The following INPP4B variants were observed in gnomAD, a reference collection of about 807,000 sequenced individuals.
INPP4B encodes inositol polyphosphate 4-phosphatase type II.
Under a neutral mutation model 122.5 loss-of-function variants are expected in INPP4B, and 55 were observed. The ratio of observed to expected loss-of-function variants is 0.45; its 90% CI spans 0.36 to 0.56. INPP4B has a LOEUF of 0.56. INPP4B is among the 20% of genes least tolerant of loss of function. The pLI is 0.00. For synonymous variants in INPP4B, 403 were observed against 388.7 expected (o/e 1.04, Z -0.43); for missense variants, 1,000 against 1,097.7 (o/e 0.91, Z 1.26).
intron 12 of INPP4B, among the ~76,000 whole-genome samples, chr4:142,226,044 A>G (rs1249498572): frequency 6.6e-6 from 1 of 152,234 alleles, no homozygotes; most frequent in Non-Finnish European, 1.5e-5. Context: ...GGCTGAGCAC[A>G]GCAAACCTTT....
chr4:142,716,603 T>C (rs1763804355), intron 2 of INPP4B, among the ~76,000 whole-genome samples: 1 of 152,234 alleles, frequency 6.6e-6, no homozygotes, highest in Admixed American at 6.5e-5. Context: ...TGAATAATTC[T>C]GCTCAGGGCA....
intron 7 of INPP4B, among the ~76,000 whole-genome samples, chr4:142,401,129 G>C (rs1801451840): frequency 6.6e-6 from 1 of 151,864 alleles, no homozygotes; most frequent in African/African-American, 2.4e-5. Context: ...TTTTCCTTTT[G>C]TCCTGATCAT....
chr4:142,176,847 C>T (rs962611549), intron 15 of INPP4B, among the ~76,000 whole-genome samples: 3 of 152,144 alleles, frequency 2.0e-5, no homozygotes, highest in South Asian at 2.1e-4. Context: ...CTTGATCATG[C>T]TACACAAGGA....
chr4:142,354,197 G>A (rs1202524615), intron 7 of INPP4B, among the ~76,000 whole-genome samples: 3 of 151,906 alleles, frequency 2.0e-5, no homozygotes, highest in East Asian at 1.9e-4. Context: ...AGCATATTGG[G>A]TATCTTGTGC....
intron 3 of INPP4B, among the ~76,000 whole-genome samples, chr4:142,436,269 C>A (rs1396589359): frequency 6.6e-6 from 1 of 152,178 alleles, no homozygotes; most frequent in Admixed American, 6.5e-5. Flanking sequence ...TGGGCCTGAG[C>A]CCCTAGAGAA....
chr4:142,464,535 A>C (rs1308148534), intron 2 of INPP4B, among the ~76,000 whole-genome samples: 1 of 152,098 alleles, frequency 6.6e-6, no homozygotes, highest in Non-Finnish European at 1.5e-5. Context: ...ATTTGGGGAA[A>C]AAAAATTCCA....
intron 7 of INPP4B, among the ~76,000 whole-genome samples, chr4:142,386,650 G>A (rs1408826763): frequency 2.0e-5 from 3 of 152,182 alleles, no homozygotes; most frequent in South Asian, 2.1e-4. Flanking sequence ...AGCTGTTTCC[G>A]TACCTCACTT....
At chr4:142,320,730 A>G in intron 7 of INPP4B, among the ~76,000 whole-genome samples, 1 of 152,140 alleles carries the variant, frequency 6.6e-6, no homozygotes, top group East Asian at 1.9e-4. Flanking sequence ...CCCATTTATA[A>G]GTGAGAAATA....
At chr4:142,120,229 TG>T (rs1435077506) in intron 21 of INPP4B, among the ~76,000 whole-genome samples, 1 of 152,096 alleles carries the variant, frequency 6.6e-6, no homozygotes, top group Non-Finnish European at 1.5e-5. Context: ...AATACTACAT[TG>T]TCTTGATTAT....
At chr4:142,674,901 A>G (rs1757507372) in intron 2 of INPP4B, among the ~76,000 whole-genome samples, 1 of 152,218 alleles carries the variant, frequency 6.6e-6, no homozygotes, top group Non-Finnish European at 1.5e-5. Flanking sequence ...CACAAGAGAA[A>G]GCAGGAAAGA....
intron 18 of INPP4B, among the ~76,000 whole-genome samples, chr4:142,138,557 T>A (rs67997859): frequency 0.086 from 13,132 of 151,970 alleles, 783 homozygotes; most frequent in South Asian, 0.2. Flanking sequence ...TTAAAAAAAA[T>A]TAATCATTCC....
chr4:142,829,568 C>T (rs957284436), intron 1 of INPP4B, among the ~76,000 whole-genome samples: 2 of 151,446 alleles, frequency 1.3e-5, no homozygotes, highest in African/African-American at 4.9e-5. Flanking sequence ...AGCCTTTATC[C>T]TAACCAGAAA....
chr4:142,251,823 G>A (rs1202348188), intron 11 of INPP4B, among the ~76,000 whole-genome samples: 4 of 152,172 alleles, frequency 2.6e-5, no homozygotes, highest in Admixed American at 2.6e-4. Context: ...TAATCATTTA[G>A]GGGTTATGTA....
intron 1 of INPP4B, among the ~76,000 whole-genome samples, chr4:142,785,281 A>G (rs1430892144): frequency 6.6e-6 from 1 of 152,170 alleles, no homozygotes. Flanking sequence ...CCATCTTTCA[A>G]TAAAAAATTA....
intron 14 of INPP4B, among the ~76,000 whole-genome samples, chr4:142,196,026 A>ACATC (rs1838056972): frequency 6.6e-6 from 1 of 152,208 alleles, no homozygotes; most frequent in South Asian, 2.1e-4. Context: ...GACATCTATG[A>ACATC]AGAAACCGAG....
intron 2 of INPP4B, among the ~76,000 whole-genome samples, chr4:142,638,559 T>TC (rs1358597526): frequency 1.3e-5 from 2 of 150,888 alleles, no homozygotes; most frequent in African/African-American, 4.9e-5. Flanking sequence ...TTTTTTTTTT[T>TC]TTGAGATGGA....
At chr4:142,112,728 T>C in intron 21 of INPP4B, 46 bp from the exon 22 acceptor site, 1 of 1,560,470 alleles carries the variant, frequency 6.4e-7, no homozygotes, top group Non-Finnish European at 8.7e-7. Flanking sequence ...CTTATTTGTT[T>C]TGTGTTATTT....
chr4:142,417,023 A>T (rs947589514), intron 5 of INPP4B, among the ~76,000 whole-genome samples: 2 of 152,142 alleles, frequency 1.3e-5, no homozygotes, highest in Non-Finnish European at 2.9e-5. Flanking sequence ...AGCAACCGAG[A>T]TCAGACAACT....
chr4:142,638,153 T>C (rs1228365187), intron 2 of INPP4B, among the ~76,000 whole-genome samples: 2 of 152,222 alleles, frequency 1.3e-5, no homozygotes, highest in Non-Finnish European at 2.9e-5. Flanking sequence ...TGGCTTGTCT[T>C]CTCATTCTCT....
Sources: gnomAD v4.1 joint callset for allele counts (sites outside exome capture counted in the v4.1 genomes callset) on GRCh38, gnomAD v4.1.1 for gene constraint, MANE v1.5 for transcripts, NCBI Gene and HGNC (gene_info 2026-07-23, HGNC 2026-07-21) for gene names.